ALDH3B1: variants seen among roughly 807,000 people sequenced by gnomAD.
ALDH3B1 encodes aldehyde dehydrogenase family 3 member B1.
Under a neutral mutation model 46.2 loss-of-function variants are expected in ALDH3B1, and 37 were observed. The ratio of observed to expected loss-of-function variants is 0.80; its 90% CI spans 0.62 to 1.05. ALDH3B1 has a LOEUF of 1.05. Among genes scored for constraint, ALDH3B1 ranks in the 50% least tolerant of loss-of-function variants. The pLI is 0.00. For synonymous variants in ALDH3B1, 283 were observed against 281.0 expected (o/e 1.01, Z -0.07); for missense variants, 603 against 665.5 (o/e 0.91, Z 1.03).
At chr11:68,024,010 C>CTACA (rs1857566891) in intron 8 of ALDH3B1, among the ~76,000 whole-genome samples, 1 of 151,328 alleles carries the variant, frequency 6.6e-6, no homozygotes, top group East Asian at 1.9e-4. Flanking sequence ...TTACTATTAA[C>CTACA]TACACTCTAG....
intron 1 of ALDH3B1, among the ~76,000 whole-genome samples, chr11:68,013,852 C>T (rs939529803): frequency 4.6e-5 from 7 of 152,218 alleles, no homozygotes; most frequent in South Asian, 2.1e-4. Flanking sequence ...GTCCTGTGTG[C>T]GGGCCACTGC....
At chr11:68,009,586 C>T (rs1192118412), upstream of ALDH3B1, among the ~76,000 whole-genome samples, 1 of 152,184 alleles carries the variant, frequency 6.6e-6, no homozygotes, top group Non-Finnish European at 1.5e-5. Context: ...CGAGCAAGCT[C>T]GGGGAACGTG....
intron 2 of ALDH3B1, 29 bp from the exon 3 acceptor site, chr11:68,018,498 C>T (rs1482871231): frequency 6.7e-7 from 1 of 1,493,996 alleles, no homozygotes; most frequent in Non-Finnish European, 9.1e-7. Context: ...GGAATCCTGG[C>T]CCACCCTGAC....
intron 1 of ALDH3B1, among the ~76,000 whole-genome samples, chr11:68,013,433 A>T (rs759150241): frequency 6.6e-6 from 1 of 152,208 alleles, no homozygotes; most frequent in Admixed American, 6.5e-5. Flanking sequence ...AGGGTGAGAG[A>T]GGCACAGGCG....
chr11:68,021,273 C>A (rs1321312339), intron 6 of ALDH3B1, among the ~76,000 whole-genome samples: 1 of 152,192 alleles, frequency 6.6e-6, no homozygotes, highest in Non-Finnish European at 1.5e-5. Flanking sequence ...GTGCACCATT[C>A]CCTCCTGAGA....
In ALDH3B1 at chr11:68,015,432, C is replaced by T. The variant is rs181292499; in HGVS notation, c.135C>T (p.His45=). 57 of 1,562,458 alleles carry T rather than the reference C, an allele frequency of 3.6e-5. 1 individual carries two copies. Among genetic ancestry groups the T allele is most frequent in the South Asian group, 2.6e-4 (22 of 84,794 alleles). The change falls in exon 2 of 10, where the codon CAC becomes CAT. Residue 45 remains histidine, a synonymous_variant. Transcript: ENST00000342456. ...TGCAAGAAAACAAGCAGCTTCTGCA[C>T]GACGCACTGGCCCAGGACCTGCACA... ...RFLQENKQLL[H]DALAQDLHKS...
intron 8 of ALDH3B1, chr11:68,024,678 T>C (rs1229219803): frequency 6.6e-6 from 1 of 152,230 alleles, no homozygotes; most frequent in Non-Finnish European, 1.5e-5. Context: ...AGCCTTTGCT[T>C]GTCTGGGAAA....
At chr11:68,014,514 A>G (rs1232581802) in intron 1 of ALDH3B1, among the ~76,000 whole-genome samples, 2 of 152,098 alleles carry the variant, frequency 1.3e-5, no homozygotes, top group African/African-American at 4.8e-5. Flanking sequence ...CTAGGCCCCT[A>G]CCCTGCCTGC....
intron 6 of ALDH3B1, among the ~76,000 whole-genome samples, 185 bp downstream of exon 6, chr11:68,019,981 G>A (rs1037960631): frequency 6.6e-6 from 1 of 152,112 alleles, no homozygotes; most frequent in Non-Finnish European, 1.5e-5. Flanking sequence ...CATGTCCAGG[G>A]CCAGCCCACT....
Position 68,019,889 on chromosome 11 carries a change from T to G in ALDH3B1, c.562+93T>G, listed in dbSNP as rs1229941912. 1.1e-5 allele frequency: 14 copies of G among 1,324,366 alleles called. No individual in the cohort carries two copies. The Admixed American group carries it at 1.8e-4, about 17-fold the overall frequency. 82.0% of individuals were successfully genotyped at this position (1,324,366 alleles called of 1,614,324 possible). On this transcript the variant is annotated intron_variant, in intron 6 of 9. Transcript: ENST00000342456. Reference sequence around the variant, plus strand: ...TAACTCTGGGAGTCCACAGGGAGACTGAATTCTCCTCTCTCTCTCTCTCTG... The same window carrying G: ...TAACTCTGGGAGTCCACAGGGAGACGGAATTCTCCTCTCTCTCTCTCTCTG...
intron 8 of ALDH3B1, 22 bp from the exon 9 acceptor site, chr11:68,025,987 C>G (rs566600792): frequency 1.3e-6 from 2 of 1,550,412 alleles, no homozygotes; most frequent in Non-Finnish European, 1.7e-6. Flanking sequence ...GGCAGCCTCA[C>G]GCACATCCTG....
upstream of ALDH3B1, among the ~76,000 whole-genome samples, chr11:68,009,668 T>G (rs1857192116): frequency 6.6e-6 from 1 of 152,248 alleles, no homozygotes; most frequent in African/African-American, 2.4e-5. Context: ...GTCTGGAATT[T>G]ACAGATAACA....
At chr11:68,020,555 G>A (rs1223915185) in intron 6 of ALDH3B1, among the ~76,000 whole-genome samples, 1 of 152,202 alleles carries the variant, frequency 6.6e-6, no homozygotes, top group African/African-American at 2.4e-5. Flanking sequence ...GAGCTAGGGA[G>A]GGGCAGAGGG....
At chr11:68,015,150 G>A in intron 1 of ALDH3B1, 147 bp from the exon 2 acceptor site, 2 of 831,574 alleles carry the variant, frequency 2.4e-6, no homozygotes, top group Middle Eastern at 7.3e-4. Flanking sequence ...CATCTGAGTG[G>A]GTCCCTGTGT....
chr11:68,026,638 T>C (rs1252972950), intron 9 of ALDH3B1, among the ~76,000 whole-genome samples: 1 of 151,846 alleles, frequency 6.6e-6, no homozygotes, highest in African/African-American at 2.4e-5. Flanking sequence ...TCAGGAAGCC[T>C]CAGAGATGGT....
At chr11:68,013,771 G>C (rs1039634963) in intron 1 of ALDH3B1, among the ~76,000 whole-genome samples, 2 of 152,210 alleles carry the variant, frequency 1.3e-5, no homozygotes, top group African/African-American at 4.8e-5. Context: ...GGCTCGAGAG[G>C]CTCGTTCTTG....
At chr11:68,014,605 C>G (rs1407487677) in intron 1 of ALDH3B1, among the ~76,000 whole-genome samples, 2 of 152,192 alleles carry the variant, frequency 1.3e-5, no homozygotes, top group Non-Finnish European at 2.9e-5. Flanking sequence ...GTTTCTGCCT[C>G]CCAGCACCAC....
chr11:68,019,626 G>C, intron 5 of ALDH3B1, 89 bp from the exon 6 acceptor site: 3 of 1,443,682 alleles, frequency 2.1e-6, no homozygotes, highest in Non-Finnish European at 2.9e-6. Flanking sequence ...GCGGGGTGGA[G>C]GCAGGGCAGG....
At chr11:68,010,968 C>A (rs1180168458) in intron 1 of ALDH3B1, among the ~76,000 whole-genome samples, 1 of 152,174 alleles carries the variant, frequency 6.6e-6, no homozygotes, top group Non-Finnish European at 1.5e-5. Flanking sequence ...ATCAGGGAGC[C>A]GAGGCTGTTC....
Sources: allele counts gnomAD v4.1 joint callset (sites outside exome capture counted in the v4.1 genomes callset), GRCh38; gene constraint gnomAD v4.1.1; transcripts MANE v1.5; gene names NCBI Gene and HGNC (gene_info 2026-07-23, HGNC 2026-07-21).